ABCA12: variants seen among roughly 807,000 people sequenced by gnomAD.
ABCA12 encodes glucosylceramide transporter ABCA12.
Under a neutral mutation model 293.5 loss-of-function variants are expected in ABCA12, and 156 were observed. The observed-to-expected ratio is 0.53, with a 90% CI of 0.47 to 0.61. ABCA12 has a LOEUF of 0.61. Ranked by LOEUF, ABCA12 falls within the 20% of genes least tolerant of loss-of-function variation. The pLI is 0.00. For synonymous variants in ABCA12, 1,063 were observed against 1,108.0 expected, an observed-to-expected ratio of 0.96 and a Z score of 0.81; for missense variants, 2,797 against 3,090.2, an observed-to-expected ratio of 0.91 and a Z score of 2.25.
chr2:215,051,648 G>GTGTGTGTGTGTGTGT (rs1701323449), intron 5 of ABCA12, among the ~76,000 whole-genome samples: 1 of 149,098 alleles, frequency 6.7e-6, no homozygotes, highest in Non-Finnish European at 1.5e-5. Context: ...GTGTGTGTGT[G>GTGTGTGTGTGTGTGT]AAGGTGATGG....
At chr2:215,110,086 G>A (rs935062361) in intron 2 of ABCA12, among the ~76,000 whole-genome samples, 1 of 152,116 alleles carries the variant, frequency 6.6e-6, no homozygotes, top group Non-Finnish European at 1.5e-5. Flanking sequence ...AACAGTATAC[G>A]GTGGAGTCAA....
chr2:215,104,321 C>A (rs538460746), intron 2 of ABCA12, among the ~76,000 whole-genome samples: 17 of 152,220 alleles, frequency 1.1e-4, no homozygotes, highest in African/African-American at 3.4e-4. Context: ...ATTCTCTGTG[C>A]AATTCTGTTT....
chr2:214,970,154 A>C (rs1339052368), intron 37 of ABCA12, 119 bp downstream of exon 37: 1 of 1,044,978 alleles, frequency 9.6e-7, no homozygotes, highest in Non-Finnish European at 1.4e-6. Context: ...TTTAAATAAA[A>C]CTGAGAATTT....
intron 30 of ABCA12, among the ~76,000 whole-genome samples, chr2:214,981,962 TATTATTA>T (rs1157861290): frequency 0.043 from 5,662 of 132,094 alleles, 310 homozygotes; most frequent in Admixed American, 0.11. Context: ...TTATTATTAT[TATTATTA>T]TTATTATTAT....
At chr2:215,109,885 A>C (rs1430103840) in intron 2 of ABCA12, among the ~76,000 whole-genome samples, 1 of 152,222 alleles carries the variant, frequency 6.6e-6, no homozygotes, top group Non-Finnish European at 1.5e-5. Context: ...TGTTGAAAGG[A>C]GCTATTAAAA....
chr2:214,948,508 A>C, intron 47 of ABCA12, 88 bp downstream of exon 47: 1 of 1,342,510 alleles, frequency 7.4e-7, no homozygotes, highest in Non-Finnish European at 1.0e-6. Context: ...ATGGTGGGGC[A>C]GGGGGGACAG....
chr2:214,968,203 T>G, intron 38 of ABCA12, among the ~76,000 whole-genome samples: 2 of 152,268 alleles, frequency 1.3e-5, no homozygotes, highest in Middle Eastern at 3.4e-3. Flanking sequence ...GCCTCCAGAA[T>G]GCCTTTTCCC....
intron 44 of ABCA12, among the ~76,000 whole-genome samples, chr2:214,951,694 T>A (rs536181019): frequency 6.6e-6 from 1 of 152,230 alleles, no homozygotes; most frequent in South Asian, 2.1e-4. Context: ...GAGGCAGAGG[T>A]TGCAGTGAGC....
intron 8 of ABCA12, among the ~76,000 whole-genome samples, chr2:215,032,934 C>T (rs1025644811): frequency 6.6e-6 from 1 of 152,052 alleles, no homozygotes; most frequent in African/African-American, 2.4e-5. Flanking sequence ...TTTTGCTGGT[C>T]CTGATTATTA....
chr2:215,035,592 G>A (rs927390638), intron 8 of ABCA12, among the ~76,000 whole-genome samples: 1 of 149,090 alleles, frequency 6.7e-6, no homozygotes, highest in Admixed American at 6.8e-5. Flanking sequence ...TTGAACCTGG[G>A]AAGCGGAGGT....
At chr2:215,100,592 C>A (rs1002132337) in intron 2 of ABCA12, among the ~76,000 whole-genome samples, 1 of 152,046 alleles carries the variant, frequency 6.6e-6, no homozygotes, top group Non-Finnish European at 1.5e-5. Context: ...ATATTTAACA[C>A]TTTTACTTTA....
chr2:214,933,853 A>G (rs1343356087), intron 52 of ABCA12, among the ~76,000 whole-genome samples: 3 of 152,190 alleles, frequency 2.0e-5, no homozygotes, highest in Non-Finnish European at 2.9e-5. Context: ...CTTTATGGGT[A>G]CAGATGTCTT....
intron 2 of ABCA12, among the ~76,000 whole-genome samples, chr2:215,104,958 T>A (rs1374770019): frequency 6.6e-6 from 1 of 152,174 alleles, no homozygotes; most frequent in African/African-American, 2.4e-5. Flanking sequence ...CAAAACAAAC[T>A]AACTCCTTGT....
At chr2:215,004,162 A>G in intron 20 of ABCA12, 47 bp downstream of exon 20, 1 of 1,465,974 alleles carries the variant, frequency 6.8e-7, no homozygotes, top group South Asian at 1.1e-5. Flanking sequence ...TGTTGTTTAT[A>G]TGTCCGACAT....
At chr2:215,001,154 T>C in intron 21 of ABCA12, 134 bp from the exon 22 acceptor site, 1 of 887,366 alleles carries the variant, frequency 1.1e-6, no homozygotes, top group Non-Finnish European at 1.7e-6. Context: ...AGGTTCTTAA[T>C]TTACAGAAAA....
chr2:215,049,988 G>A (rs867564845), intron 5 of ABCA12, among the ~76,000 whole-genome samples, 177 bp from the exon 6 acceptor site: 2 of 152,054 alleles, frequency 1.3e-5, no homozygotes, highest in African/African-American at 2.4e-5. Context: ...CTTGTAGAGC[G>A]AATGCATGAA....
At chr2:215,108,280 A>C (rs1262286414) in intron 2 of ABCA12, among the ~76,000 whole-genome samples, 4 of 152,364 alleles carry the variant, frequency 2.6e-5, no homozygotes, top group East Asian at 3.9e-4. Flanking sequence ...TCTAATACAT[A>C]CATTGGAATG....
rs775951517 is a variant in ABCA12 at position 215,019,569 on chromosome 2, A to C, written c.1515T>G (p.Asp505Glu). Reference protein sequence around the residue: ...SKKVRDLLTGDPSKINLNMDQ... With the variant: ...SKKVRDLLTGEPSKINLNMDQ... ...CCATATTTAAATTAATTTTGCTTGG[A>C]TCTCCAGTCAGCAAATCTCTCACTT... Residue 505 changes from aspartate (D) to glutamate (E), a missense_variant, in exon 12 of 53, where the codon GAT becomes GAG. This residue lies in a region of ABCA12 where 656 missense variants were observed against 638.2 expected (regional missense o/e 1.03). Transcript: ENST00000272895. 18 of 1,614,080 alleles carry C rather than the reference A, an allele frequency of 1.1e-5. No individual in the cohort carries two copies. The East Asian group carries it at 3.6e-4, about 32-fold the overall frequency.
intron 28 of ABCA12, among the ~76,000 whole-genome samples, chr2:214,985,467 C>A (rs1054980696): frequency 3.3e-5 from 5 of 152,040 alleles, no homozygotes; most frequent in African/African-American, 7.2e-5. Context: ...AGGCTTAATA[C>A]CTGAGTGATG....
Sources: allele counts gnomAD v4.1 joint callset (sites outside exome capture counted in the v4.1 genomes callset), GRCh38; gene constraint gnomAD v4.1.1; regional missense constraint gnomAD v4.1.1; transcripts MANE v1.5; gene names NCBI Gene and HGNC (gene_info 2026-07-23, HGNC 2026-07-21).